SLAMF7: variants seen among roughly 807,000 people sequenced by gnomAD.
SLAMF7 encodes the protein 19A24 protein.
Under a neutral mutation model 34.1 loss-of-function variants are expected in SLAMF7, and 26 were observed. That is an observed-to-expected ratio of 0.76 (90% confidence interval 0.56 to 1.06). The LOEUF is 1.06. Ranked by LOEUF, SLAMF7 falls within the 50% of genes least tolerant of loss-of-function variation. SLAMF7 has a pLI of 0.00. For synonymous variants in SLAMF7, 171 were observed against 156.4 expected (o/e 1.09, Z -0.70); for missense variants, 399 against 402.5 (o/e 0.99, Z 0.07).
At chr1:160,747,262 G>A (rs1361960803) in intron 1 of SLAMF7, among the ~76,000 whole-genome samples, 1 of 152,122 alleles carries the variant, frequency 6.6e-6, no homozygotes, top group Non-Finnish European at 1.5e-5. Flanking sequence ...TCGACCCTGT[G>A]GGTTTTGGTG....
In SLAMF7 at chr1:160,739,252, A is replaced by T. The variant is rs532304247; in HGVS notation, c.-50A>T. 1.3e-6 allele frequency: 2 copies of T among 1,542,842 alleles called. 1 individual carries two copies. The highest frequency in any genetic ancestry group is 2.2e-5 in the South Asian group (2 of 89,700). Reference sequence around the variant, plus strand: ...CAGCTGGGGAAGAGGTCTGAGTAATACCTAAGAGGGAAGTGGCTTCATTTC... The same window carrying T: ...CAGCTGGGGAAGAGGTCTGAGTAATTCCTAAGAGGGAAGTGGCTTCATTTC... On this transcript the variant is annotated 5_prime_UTR_variant, in exon 1 of 7. Coordinates refer to ENST00000368043, the MANE Select transcript of SLAMF7 (RefSeq NM_021181.5).
chr1:160,749,211 A>G (rs1161808060), intron 2 of SLAMF7, among the ~76,000 whole-genome samples: 5 of 152,224 alleles, frequency 3.3e-5, no homozygotes, highest in Admixed American at 2.0e-4. Context: ...GAAGATATGT[A>G]TTCTGCAGGC....
At chr1:160,740,613 T>C (rs1203257278) in intron 1 of SLAMF7, among the ~76,000 whole-genome samples, 1 of 152,208 alleles carries the variant, frequency 6.6e-6, no homozygotes, top group Non-Finnish European at 1.5e-5. Flanking sequence ...TGTATTATTG[T>C]AGGCAAATTA....
chr1:160,750,301 A>T lies in SLAMF7; in HGVS notation c.650-3A>T. 1 of 1,613,632 alleles carries T rather than the reference A, an allele frequency of 6.2e-7. No individual in the cohort carries two copies. On this transcript the variant is annotated splice_polypyrimidine_tract_variant and splice_region_variant and intron_variant, in intron 3 of 6. Coordinates refer to ENST00000368043, the MANE Select transcript of SLAMF7 (RefSeq NM_021181.5). ...TCCCTGTGCCTCCACCCATTCTCTGAAGGTGCTGCTGATGACCCAGATTCC... is the reference window on the plus strand; with the variant it reads ...TCCCTGTGCCTCCACCCATTCTCTGTAGGTGCTGCTGATGACCCAGATTCC...
intron 1 of SLAMF7, 108 bp from the exon 2 acceptor site, chr1:160,748,086 G>A (rs930280600): frequency 9.0e-7 from 1 of 1,107,608 alleles, no homozygotes; most frequent in East Asian, 2.5e-5. Flanking sequence ...GGAGGTTGTT[G>A]TGTTGGACTG....
chr1:160,753,151 CT>C lies in SLAMF7; in HGVS notation c.983del (p.Leu328HisfsTer45). 6.2e-7 allele frequency: 1 copy of C among 1,613,242 alleles called. No individual in the cohort carries two copies. Among genetic ancestry groups the C allele is most frequent in the Non-Finnish European group, 8.5e-7 (1 of 1,179,922 alleles). On this transcript the variant is annotated frameshift_variant, in exon 7 of 7. Transcript: ENST00000368043. LOFTEE classifies it high-confidence loss of function. ...SLLTMPDTPRLFAYENVI is the reference protein window; with the variant it reads ...SLLTMPDTPRXFAYENVI ...GCTCACGATGCCAGACACACCAAGG[CT>C]ATTTGCCTATGAGAATGTTATCTAG...
chr1:160,739,676 T>C (rs925350097), intron 1 of SLAMF7: 4 of 262,212 alleles, frequency 1.5e-5, no homozygotes, highest in Non-Finnish European at 2.9e-5. Flanking sequence ...AAAGTTTTCC[T>C]GGGCCTCAGA....
chr1:160,740,846 C>G (rs1663684293), intron 1 of SLAMF7, among the ~76,000 whole-genome samples: 1 of 152,186 alleles, frequency 6.6e-6, no homozygotes, highest in African/African-American at 2.4e-5. Context: ...GAAACTTAGG[C>G]TCAGCAGAGA....
At chr1:160,752,971 CAG>C (rs1664753285) in intron 6 of SLAMF7, 133 bp from the exon 7 acceptor site, 2 of 692,020 alleles carry the variant, frequency 2.9e-6, no homozygotes, top group African/African-American at 3.6e-5. Flanking sequence ...TAAAATCAAA[CAG>C]TGGGAGCCAG....
rs142359613 is a variant in SLAMF7 at position 160,747,840 on chromosome 1, T to C, written c.56-354T>C. 9.9e-4 allele frequency among the ~76,000 whole-genome samples: 151 copies of C among 152,348 alleles called. 1 individual carries two copies. Among genetic ancestry groups the C allele is most frequent in the African/African-American group, 3.4e-3 (141 of 41,582 alleles). ...AGAATAAGATGACTTACTCCCCACA[T>C]CTGTTTACTGGTAATGCTCAGCTGG... On this transcript the variant is annotated intron_variant, in intron 1 of 6. Coordinates refer to ENST00000368043, the MANE Select transcript of SLAMF7 (RefSeq NM_021181.5).
At chr1:160,744,585 G>A (rs1251441791) in intron 1 of SLAMF7, among the ~76,000 whole-genome samples, 2 of 152,216 alleles carry the variant, frequency 1.3e-5, no homozygotes, top group Non-Finnish European at 2.9e-5. Context: ...CACTACGTGT[G>A]TGGAAGCGTG....
chr1:160,743,633 C>T (rs1262737453), intron 1 of SLAMF7, among the ~76,000 whole-genome samples: 1 of 152,196 alleles, frequency 6.6e-6, no homozygotes, highest in Non-Finnish European at 1.5e-5. Context: ...AAGGTTGGCA[C>T]CTGAGGAGAG....
Position 160,745,929 on chromosome 1 carries a change from C to A in SLAMF7, c.56-2265C>A, listed in dbSNP as rs151074156. On this transcript the variant is annotated intron_variant, in intron 1 of 6. Transcript: ENST00000368043. ...CCCTTGCCAAGATATTTGATTTTAA[C>A]AGGGACCAAAGAAATAAATCTCTAA... Among the ~76,000 whole-genome samples the A allele has an allele frequency of 5.3e-5, 8 of 152,344 alleles. No individual in the cohort carries two copies. In the East Asian group the frequency reaches 1.3e-3, roughly 26 times the overall value.
chr1:160,749,702 C>T, intron 2 of SLAMF7, 119 bp from the exon 3 acceptor site: 1 of 831,656 alleles, frequency 1.2e-6, no homozygotes, highest in Non-Finnish European at 1.9e-6. Flanking sequence ...CTCTGAATTA[C>T]TGCTTTCTCT....
chr1:160,739,363 C>T lies in SLAMF7; in HGVS notation c.55+7C>T. 1 of 1,611,698 alleles carries T rather than the reference C, an allele frequency of 6.2e-7. No individual in the cohort carries two copies. Among genetic ancestry groups the T allele is most frequent in the Non-Finnish European group, 8.5e-7 (1 of 1,178,598 alleles). On this transcript the variant is annotated splice_region_variant and intron_variant, in intron 1 of 6. Transcript: ENST00000368043. ...ATCCTTTGGCAGCTCACAGGTGAGT[C>T]CGGCCGGATTCTCTTCCACTCTCCT...
intron 6 of SLAMF7, 51 bp downstream of exon 6, chr1:160,752,299 T>G: frequency 6.7e-7 from 1 of 1,500,766 alleles, no homozygotes; most frequent in Non-Finnish European, 9.2e-7. Flanking sequence ...TTTCTTTTCC[T>G]GCTTCATGTT....
intron 4 of SLAMF7, 184 bp downstream of exon 4, chr1:160,750,607 G>C (rs1350751487): frequency 3.1e-6 from 2 of 638,788 alleles, no homozygotes; most frequent in African/African-American, 3.7e-5. Flanking sequence ...TTCTGGAGTA[G>C]AGAAAGTGCT....
In SLAMF7 at chr1:160,750,310, C is replaced by A; in HGVS notation, c.656C>A (p.Ala219Asp). ...ILARKLCEGA[A>D]DDPDSSMVLL... Reference sequence around the variant, plus strand: ...CTCCACCCATTCTCTGAAGGTGCTGCTGATGACCCAGATTCCTCCATGGTC... The same window carrying A: ...CTCCACCCATTCTCTGAAGGTGCTGATGATGACCCAGATTCCTCCATGGTC... The change falls in exon 4 of 7, where the codon GCT (alanine) becomes GAT (aspartate). Residue 219 changes from alanine (A) to aspartate (D), a missense_variant. Physicochemically the swap from Ala to Asp is moderately radical, Grantham distance 126 (BLOSUM62 -2). Coordinates refer to ENST00000368043, the MANE Select transcript of SLAMF7 (RefSeq NM_021181.5). 1.9e-6 allele frequency: 3 copies of A among 1,613,980 alleles called. No individual in the cohort carries two copies. The highest frequency in any genetic ancestry group is 2.5e-6 in the Non-Finnish European group (3 of 1,179,876).
At chr1:160,745,168 G>A (rs918151224) in intron 1 of SLAMF7, among the ~76,000 whole-genome samples, 6 of 152,338 alleles carry the variant, frequency 3.9e-5, no homozygotes, top group African/African-American at 1.2e-4. Context: ...AACGTTGGCA[G>A]AGACTTCAGA....
Sources: allele counts gnomAD v4.1 joint callset (sites outside exome capture counted in the v4.1 genomes callset), GRCh38; gene constraint gnomAD v4.1.1; transcripts MANE v1.5; gene names NCBI Gene and HGNC (gene_info 2026-07-23, HGNC 2026-07-21).